Variants in MAGI2 observed in about 807,000 individuals in gnomAD.
MAGI2 encodes membrane-associated guanylate kinase, WW and PDZ domain-containing protein 2.
Under a neutral mutation model 133.3 loss-of-function variants are expected in MAGI2, and 35 were observed. That is an observed-to-expected ratio of 0.26 (90% CI 0.20 to 0.35). MAGI2 has a LOEUF of 0.35. MAGI2 is among the 10% of genes least tolerant of loss of function. The pLI is 1.00. For missense variants in MAGI2, 1,636 were observed against 1,863.4 expected, an observed-to-expected ratio of 0.88 and a Z score of 2.25; for synonymous variants, 729 against 710.6, an observed-to-expected ratio of 1.03 and a Z score of -0.41.
At chr7:79,418,704 A>G (rs1160181359) in intron 1 of MAGI2, among the ~76,000 whole-genome samples, 1 of 151,900 alleles carries the variant, frequency 6.6e-6, no homozygotes, top group Admixed American at 6.6e-5. Context: ...TTATGCTTCT[A>G]TGTTTCTAAA....
chr7:78,277,128 A>G (rs1310077525), intron 9 of MAGI2, among the ~76,000 whole-genome samples: 1 of 152,214 alleles, frequency 6.6e-6, no homozygotes, highest in Admixed American at 6.5e-5. Context: ...GTCATAAAAA[A>G]TAATTTTAAT....
At chr7:79,406,571 G>A (rs1375501691) in intron 1 of MAGI2, among the ~76,000 whole-genome samples, 1 of 152,038 alleles carries the variant, frequency 6.6e-6, no homozygotes, top group Non-Finnish European at 1.5e-5. Context: ...GAAACTTTGA[G>A]TTTATGTCAA....
intron 21 of MAGI2, among the ~76,000 whole-genome samples, chr7:78,052,005 G>T (rs7788308): frequency 0.18 from 27,173 of 151,474 alleles, 3,536 homozygotes; most frequent in African/African-American, 0.36. Context: ...CCAAGTAGCT[G>T]GGACTATGGC....
rs1281750017 is a variant in MAGI2, at chr7:78,850,915, C to CT, written c.418+156174dup. Among the ~76,000 whole-genome samples, 16 of 151,984 alleles carry CT rather than the reference C, an allele frequency of 1.1e-4. No individual in the cohort carries two copies. The East Asian group carries it at 2.5e-3, about 24-fold the overall frequency. Reference sequence around the variant, plus strand: ...ACTTTAATTAATTTTTCCTCAGTGACTTTTTTTAAAGGAAAAAAAGCCATT... The same window carrying CT: ...ACTTTAATTAATTTTTCCTCAGTGACTTTTTTTTAAAGGAAAAAAAGCCATT... On this transcript the variant is annotated intron_variant, in intron 2 of 21. Coordinates refer to ENST00000354212, the MANE Select transcript of MAGI2 (RefSeq NM_012301.4).
chr7:79,080,444 A>T (rs1815939449), intron 1 of MAGI2, among the ~76,000 whole-genome samples: 1 of 152,152 alleles, frequency 6.6e-6, no homozygotes, highest in Non-Finnish European at 1.5e-5. Context: ...ACTTAGTCCT[A>T]CTCAGACATA....
At chr7:78,383,459 A>T (rs1795107039) in intron 6 of MAGI2, among the ~76,000 whole-genome samples, 1 of 151,860 alleles carries the variant, frequency 6.6e-6, no homozygotes, top group African/African-American at 2.4e-5. Flanking sequence ...TAATGGGATT[A>T]GTTGTTTTTT....
At chr7:79,272,500 T>C (rs772157280) in intron 1 of MAGI2, among the ~76,000 whole-genome samples, 54 of 152,250 alleles carry the variant, frequency 3.5e-4, no homozygotes, top group Non-Finnish European at 3.5e-4. Flanking sequence ...GTAAAGATTT[T>C]CTGCTTTAAT....
At chr7:79,204,896 G>A (rs908476056) in intron 1 of MAGI2, among the ~76,000 whole-genome samples, 8 of 151,776 alleles carry the variant, frequency 5.3e-5, no homozygotes, top group South Asian at 2.1e-4. Flanking sequence ...CTGTGAACTC[G>A]AAGACAGGTT....
At chr7:78,225,960 G>A (rs145580317) in intron 10 of MAGI2, among the ~76,000 whole-genome samples, 342 of 152,294 alleles carry the variant, frequency 2.2e-3, no homozygotes, top group African/African-American at 7.9e-3. Flanking sequence ...AAGACAGGGA[G>A]TGCTTCTCAA....
At chr7:78,292,787 A>G (rs1562768367) in intron 9 of MAGI2, among the ~76,000 whole-genome samples, 1 of 152,222 alleles carries the variant, frequency 6.6e-6, no homozygotes, top group Non-Finnish European at 1.5e-5. Context: ...CCACACATCT[A>G]CAACCATCTG....
intron 2 of MAGI2, among the ~76,000 whole-genome samples, chr7:78,900,250 A>G (rs1584330891): frequency 6.6e-6 from 1 of 152,138 alleles, no homozygotes; most frequent in African/African-American, 2.4e-5. Flanking sequence ...GACCTTCAGT[A>G]CATATTTTTG....
intron 6 of MAGI2, among the ~76,000 whole-genome samples, chr7:78,413,829 G>A (rs900769461): frequency 6.6e-6 from 1 of 151,968 alleles, no homozygotes; most frequent in Non-Finnish European, 1.5e-5. Context: ...TCCAGAAGAC[G>A]AAAGAAAATC....
At chr7:78,471,876 G>A (rs1791238143) in intron 6 of MAGI2, among the ~76,000 whole-genome samples, 1 of 151,728 alleles carries the variant, frequency 6.6e-6, no homozygotes, top group Non-Finnish European at 1.5e-5. Flanking sequence ...AGTGAGCCTA[G>A]ATTGCACCAC....
Position 78,872,203 on chromosome 7 carries a change from GA to G in MAGI2, c.418+134886del, listed in dbSNP as rs548289376. Among the ~76,000 whole-genome samples, 98 of 126,216 alleles carry G rather than the reference GA, an allele frequency of 7.8e-4. 1 individual carries two copies. Among genetic ancestry groups the G allele is most frequent in the South Asian group, 6.0e-3 (24 of 4,006 alleles). The allele number at this position is 126,216 out of a possible 152,430, so 82.8% of individuals were successfully genotyped here. ...AAAACAGACACAAAATATAAAGATTGAAAAAAAAAAAGAAAGAATACTACTG... is the reference window on the plus strand; with the variant it reads ...AAAACAGACACAAAATATAAAGATTGAAAAAAAAAAGAAAGAATACTACTG... On this transcript the variant is annotated intron_variant, in intron 2 of 21. Transcript: ENST00000354212.
chr7:79,082,653 A>AT (rs1489908160), intron 1 of MAGI2, among the ~76,000 whole-genome samples: 11 of 151,986 alleles, frequency 7.2e-5, no homozygotes, highest in African/African-American at 2.6e-4. Context: ...CTGCTACTTT[A>AT]TTTTTACTTT....
chr7:79,389,943 T>C (rs1031742041), intron 1 of MAGI2, among the ~76,000 whole-genome samples: 1 of 152,162 alleles, frequency 6.6e-6, no homozygotes, highest in Non-Finnish European at 1.5e-5. Flanking sequence ...AGTTCATTAT[T>C]TCCCCAATTA....
intron 1 of MAGI2, among the ~76,000 whole-genome samples, chr7:79,339,503 C>A (rs2129098674): frequency 6.7e-6 from 1 of 148,214 alleles, no homozygotes; most frequent in Middle Eastern, 3.5e-3. Context: ...ATTTGTCCTG[C>A]ATTACTCTCC....
intron 18 of MAGI2, 86 bp from the exon 19 acceptor site, chr7:78,127,502 G>A (rs1821114139): frequency 2.2e-6 from 2 of 899,770 alleles, no homozygotes; most frequent in Admixed American, 2.1e-5. Flanking sequence ...AGGTGGGCCA[G>A]CCATGACAGC....
chr7:79,365,796 G>C (rs554054136), intron 1 of MAGI2, among the ~76,000 whole-genome samples: 6 of 136,726 alleles, frequency 4.4e-5, no homozygotes, highest in African/African-American at 1.6e-4. Flanking sequence ...GGTGGTGGAG[G>C]TTGTAGTGAG....
Sources: allele counts gnomAD v4.1 joint callset (sites outside exome capture counted in the v4.1 genomes callset), GRCh38; gene constraint gnomAD v4.1.1; transcripts MANE v1.5; gene names NCBI Gene and HGNC (gene_info 2026-07-23, HGNC 2026-07-21).